C19orf38: variants seen among roughly 807,000 people sequenced by gnomAD.
C19orf38 encodes protein HIDE1.
Under a neutral mutation model 26.6 loss-of-function variants are expected in C19orf38, and 14 were observed. That is an observed-to-expected ratio of 0.53 (90% confidence interval 0.35 to 0.82). C19orf38 has a LOEUF of 0.82. C19orf38 is among the 40% of genes least tolerant of loss of function. The probability of loss-of-function intolerance (pLI) is 0.01; values close to 1 mark genes in which losing one functional copy is unlikely to be tolerated. For missense variants in C19orf38, 261 were observed against 299.5 expected (o/e 0.87, Z 0.95); for synonymous variants, 132 against 128.5 (o/e 1.03, Z -0.18).
intron 4 of C19orf38, among the ~76,000 whole-genome samples, chr19:10,859,401 T>TA (rs2073673995): frequency 1.7e-5 from 2 of 120,854 alleles, no homozygotes; most frequent in Non-Finnish European, 3.4e-5. Context: ...TTTTTTTTTT[T>TA]AGACGGAGTC....
In C19orf38 at chr19:10,856,261, C is replaced by G. The variant is rs968132994; in HGVS notation, c.341-4C>G. On this transcript the variant is annotated splice_polypyrimidine_tract_variant and splice_region_variant and intron_variant, in intron 2 of 6. Transcript: ENST00000397820. ...GCCCACTCTCTTTTCTGATTTTCCT[C>G]CAGTGCCCACTTGGATCTTGGTGCT... 5.0e-5 allele frequency: 78 copies of G among 1,550,054 alleles called. 3 individuals are homozygous for G. In the Admixed American group the frequency reaches 1.1e-3, roughly 23 times the overall value.
In C19orf38 at chr19:10,869,581, C is replaced by G. The variant is rs1054777264; in HGVS notation, c.*214C>G. 5 of 624,106 alleles carry G rather than the reference C, an allele frequency of 8.0e-6. No homozygotes were observed. The allele number at this position is 624,106 out of a possible 1,614,324, so 38.7% of individuals were successfully genotyped here. A position where few individuals can be genotyped will look rare whatever the true frequency, so the allele number is the denominator to read the frequency against. On this transcript the variant is annotated 3_prime_UTR_variant, in exon 7 of 7. Transcript: ENST00000397820. ...TACAGACAACAGGAAGTTCCCCTCT[C>G]GACCTTCGGCTCCTCAGGACCACCA...
At chr19:10,852,532 C>G (rs748451592) in intron 2 of C19orf38, among the ~76,000 whole-genome samples, 3 of 152,314 alleles carry the variant, frequency 2.0e-5, no homozygotes, top group Non-Finnish European at 4.4e-5. Context: ...GGGAAGCCCT[C>G]TCTGAGGAGG....
At chr19:10,839,481 A>G (rs1004112266) in intron 1 of C19orf38, among the ~76,000 whole-genome samples, 3 of 152,036 alleles carry the variant, frequency 2.0e-5, no homozygotes, top group African/African-American at 7.3e-5. Context: ...AATACTTTCT[A>G]TCTCCTGTAT....
rs112977438 is a variant in C19orf38, at chr19:10,850,452, C to T, written c.225C>T (p.Ser75=). The T allele has an allele frequency of 3.2e-4, 490 of 1,551,280 alleles. 3 individuals are homozygous for T. In the African/African-American group the frequency reaches 5.1e-3, roughly 16 times the overall value. ...TDQRGVTFNL[S]GGSSKAPGGP... is the part of the protein sequence containing the mutation. Reference sequence around the variant, plus strand: ...AGCGCGGGGTGACATTTAACCTGAGCGGCGGCAGCAGCAAGGCTCCAGGGG... The same window carrying T: ...AGCGCGGGGTGACATTTAACCTGAGTGGCGGCAGCAGCAAGGCTCCAGGGG... Residue 75 remains serine (S), a synonymous_variant, in exon 2 of 7, where the codon AGC becomes AGT. Transcript: ENST00000397820.
intron 1 of C19orf38, chr19:10,842,077 G>A (rs758527186): frequency 6.9e-6 from 11 of 1,598,760 alleles, no homozygotes; most frequent in South Asian, 5.5e-5. Flanking sequence ...TTATTGGACA[G>A]TATGGCTCAG....
upstream of C19orf38, among the ~76,000 whole-genome samples, chr19:10,844,770 C>T (rs983256246): frequency 1.3e-5 from 2 of 151,210 alleles, no homozygotes; most frequent in Admixed American, 6.6e-5. Flanking sequence ...ATGGCGTGAA[C>T]CCAGGAGGTG....
chr19:10,850,856 T>C (rs1352883091), intron 2 of C19orf38, among the ~76,000 whole-genome samples: 3 of 152,144 alleles, frequency 2.0e-5, no homozygotes, highest in African/African-American at 4.8e-5. Flanking sequence ...CTCCGTCTTA[T>C]TGTCAGGCAG....
At chr19:10,844,704 C>A (rs1208383547), upstream of C19orf38, among the ~76,000 whole-genome samples, 1 of 151,110 alleles carries the variant, frequency 6.6e-6, no homozygotes, top group Admixed American at 6.6e-5. Flanking sequence ...AAAAATTAGC[C>A]GGGCGTGGTG....
At position 10,848,529 on chromosome 19, in the gene C19orf38, C is replaced by T. The variant is rs1235979240; in HGVS notation, c.21C>T (p.Leu7=). 4 of 1,551,660 alleles carry T rather than the reference C, an allele frequency of 2.6e-6. No homozygotes were observed. The highest frequency in any genetic ancestry group is 1.2e-5 in the South Asian group (1 of 84,054). ...GAGAGATGCCCTGGACCATCTTGCT[C>T]TTTGCAGCTGGTGAGTCTGAAGCCC... MPWTIL[L]FAAGSLAIPA... Residue 7 remains leucine (L), a synonymous_variant, in exon 1 of 7, where the codon CTC becomes CTT. Transcript: ENST00000397820.
chr19:10,841,685 T>C (rs1193201043), intron 1 of C19orf38, among the ~76,000 whole-genome samples: 1 of 151,582 alleles, frequency 6.6e-6, no homozygotes, highest in East Asian at 2.0e-4. Flanking sequence ...AAACAGACAC[T>C]GTCAAAGCCA....
At chr19:10,838,084 T>G (rs975240410) in intron 1 of C19orf38, among the ~76,000 whole-genome samples, 16 of 152,202 alleles carry the variant, frequency 1.1e-4, no homozygotes, top group African/African-American at 3.9e-4. Flanking sequence ...AATTGATTTT[T>G]TTAAATACAG....
At chr19:10,858,285 C>G in intron 3 of C19orf38, 31 bp from the exon 4 acceptor site, 1 of 881,568 alleles carries the variant, frequency 1.1e-6, no homozygotes, top group African/African-American at 1.9e-5. Context: ...GGACCAAAAT[C>G]TAACACATGC....
chr19:10,857,366 A>ATATATATATATATATATTTTT (rs1433358051), intron 3 of C19orf38, among the ~76,000 whole-genome samples: 1 of 56,102 alleles, frequency 1.8e-5, no homozygotes, highest in African/African-American at 1.7e-4. Context: ...ATATATATAT[A>ATATATATATATATATATTTTT]TTTTTTTTTT....
At chr19:10,837,144 C>CT (rs2073438614) in intron 1 of C19orf38, among the ~76,000 whole-genome samples, 3 of 152,194 alleles carry the variant, frequency 2.0e-5, no homozygotes, top group Admixed American at 2.0e-4. Context: ...ACGTGAAATG[C>CT]TTGTTGAGTG....
At chr19:10,858,803 A>C (rs1402426657) in intron 4 of C19orf38, among the ~76,000 whole-genome samples, 1 of 152,106 alleles carries the variant, frequency 6.6e-6, no homozygotes, top group Non-Finnish European at 1.5e-5. Flanking sequence ...GGATGTCCTA[A>C]CTGGCCCTGG....
intron 1 of C19orf38, chr19:10,841,814 A>C (rs1259715788): frequency 8.2e-7 from 1 of 1,218,830 alleles, no homozygotes; most frequent in Non-Finnish European, 1.2e-6. Flanking sequence ...CTCCACAAAA[A>C]CATTTTTTAA....
chr19:10,853,197 G>T (rs983863982), intron 2 of C19orf38, among the ~76,000 whole-genome samples: 1 of 151,750 alleles, frequency 6.6e-6, no homozygotes. Context: ...CTAGCAGCTG[G>T]GACTACAGCC....
rs79704638 is a variant in C19orf38 at position 10,842,852 on chromosome 19, G to A, written c.-68-5589G>A. 3.8e-4 allele frequency among the ~76,000 whole-genome samples: 58 copies of A among 152,228 alleles called. No homozygotes were observed. The East Asian group carries it at 7.0e-3, about 18-fold the overall frequency. Reference sequence around the variant, plus strand: ...TGGCCGGCAGTGCCCCCTACCACCCGCAAGGGCATGACACTGGAGGCACCC... The same window carrying A: ...TGGCCGGCAGTGCCCCCTACCACCCACAAGGGCATGACACTGGAGGCACCC... On this transcript the variant is annotated intron_variant, in intron 1 of 7. Coordinates refer to the C19orf38 transcript ENST00000592854.
Sources: gnomAD v4.1 joint callset for allele counts (sites outside exome capture counted in the v4.1 genomes callset) on GRCh38, gnomAD v4.1.1 for gene constraint, MANE v1.5 for transcripts, NCBI Gene and HGNC (gene_info 2026-07-23, HGNC 2026-07-21) for gene names.